MITD1: variants seen among roughly 807,000 people sequenced by gnomAD.
MITD1 encodes the protein microtubule interacting and trafficking domain containing 1, also known as MIT domain-containing protein 1.
MITD1 carries 24 observed loss-of-function variants against 34.9 expected under a neutral mutation model. The ratio of observed to expected loss-of-function variants is 0.69; its 90% CI spans 0.50 to 0.97. The LOEUF (loss-of-function observed/expected upper bound fraction) is 0.97, where lower values mean the gene tolerates loss of function less well. Among genes scored for constraint, MITD1 ranks in the 50% least tolerant of loss-of-function variants. The probability of loss-of-function intolerance (pLI) is 0.00; values close to 1 mark genes in which losing one functional copy is unlikely to be tolerated. For missense variants in MITD1, 266 were observed against 294.6 expected, an observed-to-expected ratio of 0.90 and a Z score of 0.71; for synonymous variants, 102 against 101.4, an observed-to-expected ratio of 1.01 and a Z score of -0.04.
At chr2:99,174,527 T>C (rs1002056310) in intron 1 of MITD1, among the ~76,000 whole-genome samples, 1 of 152,146 alleles carries the variant, frequency 6.6e-6, no homozygotes, top group African/African-American at 2.4e-5. Flanking sequence ...AGTCAACAAA[T>C]CACTTCTTGT....
At position 99,180,890 on chromosome 2, in the gene MITD1, T is replaced by A. The variant is rs1350870998; in HGVS notation, c.92A>T (p.Tyr31Phe). ...TTGGTAACACACCAGAGCCTGCGGA[T>A]ACCGCGACTCCGAATCTAGTTCTAC... ...RAVELDSESR[Y>F]PQALVCYQEG... The change falls in exon 1 of 7, where the codon TAT (tyrosine) becomes TTT (phenylalanine). Residue 31 changes from tyrosine (Y) to phenylalanine (F), a missense_variant. By Grantham distance (22) the Tyr-to-Phe change is conservative. Transcript: ENST00000289359. The A allele has an allele frequency of 6.2e-7, 1 of 1,614,222 alleles. No homozygotes were observed. Among genetic ancestry groups the A allele is most frequent in the East Asian group, 2.2e-5 (1 of 44,882 alleles).
downstream of MITD1, chr2:99,161,659 G>A: frequency 4.7e-6 from 1 of 214,248 alleles, no homozygotes; most frequent in South Asian, 8.9e-5. Flanking sequence ...GCAACATGGT[G>A]AAATCCTGTC....
chr2:99,173,361 T>C (rs2093868921), intron 2 of MITD1: 1 of 396,916 alleles, frequency 2.5e-6, no homozygotes, highest in Non-Finnish European at 5.5e-6. Context: ...TTACAGACAT[T>C]TGTAAACTGG....
intron 7 of MITD1, chr2:99,162,761 T>C: frequency 6.2e-7 from 1 of 1,614,162 alleles, no homozygotes; most frequent in South Asian, 1.1e-5. Flanking sequence ...AACTGCAAAC[T>C]TGGGAGTGGA....
At chr2:99,169,675 G>A (rs1226473711) in intron 5 of MITD1, 65 bp from the exon 6 acceptor site, 3 of 1,343,510 alleles carry the variant, frequency 2.2e-6, no homozygotes, top group Non-Finnish European at 3.2e-6. Flanking sequence ...TAAAGCTGTA[G>A]TGTATTAAGT....
At chr2:99,171,122 A>C (rs2093854970) in intron 4 of MITD1, among the ~76,000 whole-genome samples, 1 of 152,224 alleles carries the variant, frequency 6.6e-6, no homozygotes. Context: ...AAACTAACAA[A>C]CTATTTGAAT....
chr2:99,162,805 CTTCCT>C (rs1328104200), intron 7 of MITD1: 2 of 1,614,080 alleles, frequency 1.2e-6, no homozygotes, highest in East Asian at 2.2e-5. Context: ...AGTATAAATA[CTTCCT>C]TTCATGTGTT....
At chr2:99,170,774 GTC>G (rs2093851735) in intron 4 of MITD1, 122 bp from the exon 5 acceptor site, 1 of 491,442 alleles carries the variant, frequency 2.0e-6, no homozygotes, top group Non-Finnish European at 3.7e-6. Flanking sequence ...TAGTTTCAAT[GTC>G]TATTATCTCA....
chr2:99,166,897 A>ATATATATATATATATATATATAT (rs57394148), downstream of MITD1, among the ~76,000 whole-genome samples: 5 of 130,282 alleles, frequency 3.8e-5, no homozygotes, highest in Admixed American at 7.9e-5. Flanking sequence ...ATATATATAT[A>ATATATATATATATATATATATAT]AATTTTTCAT....
At chr2:99,162,814 A>T (rs1559172115) in intron 7 of MITD1, 2 of 1,614,150 alleles carry the variant, frequency 1.2e-6, no homozygotes, top group African/African-American at 1.3e-5. Flanking sequence ...ACTTCCTTTC[A>T]TGTGTTATAT....
downstream of MITD1, among the ~76,000 whole-genome samples, chr2:99,166,893 A>ATATATATATATATATATATG (rs2093829924): frequency 9.5e-6 from 1 of 105,034 alleles, no homozygotes; most frequent in Admixed American, 1.1e-4. Context: ...ATATATATAT[A>ATATATATATATATATATATG]TATAAATTTT....
chr2:99,172,453 T>A (rs1303226713), intron 2 of MITD1: 2 of 152,104 alleles, frequency 1.3e-5, no homozygotes, highest in Admixed American at 1.3e-4. Context: ...CGTGTACAGT[T>A]TTAAACAGAA....
At position 99,173,927 on chromosome 2, in the gene MITD1, G is replaced by C; in HGVS notation, c.241C>G (p.Gln81Glu). The C allele has an allele frequency of 6.2e-7, 1 of 1,601,360 alleles. No individual in the cohort carries two copies. Among genetic ancestry groups the C allele is most frequent in the African/African-American group, 1.3e-5 (1 of 74,544 alleles). Residue 81 changes from glutamine (Q) to glutamate (E), a missense_variant, in exon 2 of 7, where the codon CAA (glutamine) becomes GAA (glutamate). Physicochemically the swap from Gln to Glu is conservative, Grantham distance 29. Coordinates refer to ENST00000289359, the MANE Select transcript of MITD1 (RefSeq NM_138798.3). ...RAENIKKYLD[Q>E]EKEDGKYHKQ... ...ACAACCTCTTTACCTTCTTTTTCTTGGTCCAAGTACTTCTTTATGTTTTCC... is the reference window on the plus strand; with the variant it reads ...ACAACCTCTTTACCTTCTTTTTCTTCGTCCAAGTACTTCTTTATGTTTTCC...
intron 2 of MITD1, 45 bp from the exon 3 acceptor site, chr2:99,171,691 T>G (rs1173061714): frequency 1.3e-6 from 2 of 1,555,498 alleles, no homozygotes; most frequent in African/African-American, 2.8e-5. Context: ...ACCATTTTTT[T>G]TTTACACATT....
Position 99,177,407 on chromosome 2 carries a change from T to A in MITD1, c.152-3391A>T, listed in dbSNP as rs183756725. ...AGGCCCTTATCATGCCTCATCTTTT[T>A]AAAAAGGTTTTATTAATTTTAATTG... On this transcript the variant is annotated intron_variant, in intron 1 of 6. Transcript: ENST00000289359. Among the ~76,000 whole-genome samples, 1,219 of 152,324 alleles carry A rather than the reference T, an allele frequency of 8.0e-3. 49 individuals carry two copies. The highest frequency in any genetic ancestry group is 0.072 in the Admixed American group (1,094 of 15,292).
intron 1 of MITD1, among the ~76,000 whole-genome samples, chr2:99,179,192 G>A (rs115205730): frequency 6.6e-6 from 1 of 152,312 alleles, no homozygotes; most frequent in African/African-American, 2.4e-5. Flanking sequence ...CCCTAGAGCA[G>A]AACTGTGATT....
chr2:99,169,702 C>G (rs2093845026), intron 5 of MITD1, 92 bp from the exon 6 acceptor site: 6 of 1,001,140 alleles, frequency 6.0e-6, no homozygotes, highest in Non-Finnish European at 9.2e-6. Context: ...AAAATTTCCC[C>G]CTAACAAAGC....
chr2:99,163,917 C>T (rs1445035228), intron 7 of MITD1, among the ~76,000 whole-genome samples: 1 of 152,102 alleles, frequency 6.6e-6, no homozygotes, highest in East Asian at 1.9e-4. Context: ...GCATCATTTC[C>T]CTTCTATCCC....
intron 1 of MITD1, among the ~76,000 whole-genome samples, chr2:99,177,130 A>T (rs531252869): frequency 6.6e-6 from 1 of 152,186 alleles, no homozygotes; most frequent in Non-Finnish European, 1.5e-5. Flanking sequence ...CTCCTGCCCA[A>T]ATAAAAGCAA....
Sources: allele counts gnomAD v4.1 joint callset (sites outside exome capture counted in the v4.1 genomes callset), GRCh38; gene constraint gnomAD v4.1.1; transcripts MANE v1.5; gene names NCBI Gene and HGNC (gene_info 2026-07-23, HGNC 2026-07-21).